The following CHN1 variants were observed in gnomAD, a reference collection of about 807,000 sequenced individuals.
CHN1 encodes the protein N-chimaerin.
Under a neutral mutation model 59.5 loss-of-function variants are expected in CHN1, and 37 were observed. That is an observed-to-expected ratio of 0.62 (90% CI 0.48 to 0.82). The LOEUF (loss-of-function observed/expected upper bound fraction) is 0.82, where lower values mean the gene tolerates loss of function less well. CHN1 is among the 40% of genes least tolerant of loss of function. The pLI, the probability that CHN1 is intolerant of heterozygous loss-of-function variation, is 0.00. For missense variants in CHN1, 469 were observed against 571.0 expected (o/e 0.82, Z 1.82); for synonymous variants, 206 against 200.4 (o/e 1.03, Z -0.24).
At chr2:174,832,411 C>T (rs1685910583) in intron 7 of CHN1, among the ~76,000 whole-genome samples, 1 of 151,970 alleles carries the variant, frequency 6.6e-6, no homozygotes, top group Non-Finnish European at 1.5e-5. Context: ...TGACTTAAGA[C>T]CTTTTTTCTC....
intron 1 of CHN1, among the ~76,000 whole-genome samples, chr2:174,966,464 C>A (rs1257361758): frequency 1.3e-5 from 2 of 152,100 alleles, no homozygotes; most frequent in Non-Finnish European, 2.9e-5. Context: ...ACAGCCTGGG[C>A]AAACAAAGCC....
intron 1 of CHN1, among the ~76,000 whole-genome samples, chr2:174,983,360 A>G (rs928489206): frequency 1.3e-5 from 2 of 152,130 alleles, no homozygotes; most frequent in South Asian, 2.1e-4. Flanking sequence ...TAACATCAGT[A>G]GTTTTACTAG....
intron 5 of CHN1, among the ~76,000 whole-genome samples, chr2:174,879,043 A>G (rs1400245898): frequency 6.6e-6 from 1 of 152,260 alleles, no homozygotes; most frequent in Non-Finnish European, 1.5e-5. Context: ...AAGAGCTGCC[A>G]GTGTAATGGT....
chr2:174,826,879 G>A (rs1410421747), intron 7 of CHN1, among the ~76,000 whole-genome samples: 2 of 152,070 alleles, frequency 1.3e-5, no homozygotes, highest in Non-Finnish European at 2.9e-5. Flanking sequence ...TTTATTTACA[G>A]TTCATTCTTG....
chr2:174,847,399 GAA>G, intron 6 of CHN1: 2 of 1,195,226 alleles, frequency 1.7e-6, no homozygotes, highest in South Asian at 3.0e-5. Context: ...GAAATAAAAA[GAA>G]AGAGTCGATG....
chr2:174,935,168 G>A (rs1056837941), intron 3 of CHN1, among the ~76,000 whole-genome samples: 1 of 152,174 alleles, frequency 6.6e-6, no homozygotes, highest in African/African-American at 2.4e-5. Flanking sequence ...CAGAGGAGCT[G>A]CATACATATG....
intron 7 of CHN1, among the ~76,000 whole-genome samples, chr2:174,840,217 G>A (rs1046924214): frequency 8.7e-5 from 11 of 126,024 alleles, no homozygotes; most frequent in Admixed American, 2.2e-4. Flanking sequence ...CTCCCAGGCT[G>A]GAGTGCAGTG....
chr2:174,910,591 G>T (rs1688665618), intron 5 of CHN1, among the ~76,000 whole-genome samples: 1 of 151,960 alleles, frequency 6.6e-6, no homozygotes, highest in South Asian at 2.1e-4. Flanking sequence ...GTTAGTAAAG[G>T]CCTTTTGGCA....
intron 5 of CHN1, among the ~76,000 whole-genome samples, chr2:174,914,074 C>A (rs183226761): frequency 1.5e-3 from 235 of 152,314 alleles, no homozygotes; most frequent in African/African-American, 5.2e-3. Flanking sequence ...ATAGCAGCAG[C>A]ACAAGTTATT....
intron 5 of CHN1, among the ~76,000 whole-genome samples, chr2:174,904,835 AC>A (rs1173702824): frequency 6.6e-6 from 1 of 152,158 alleles, no homozygotes; most frequent in East Asian, 1.9e-4. Context: ...TAATTTTCCA[AC>A]CTGTTGCCAA....
intron 9 of CHN1, among the ~76,000 whole-genome samples, chr2:174,811,811 G>C (rs1403854041): frequency 6.6e-6 from 1 of 152,168 alleles, no homozygotes; most frequent in Non-Finnish European, 1.5e-5. Flanking sequence ...GTCTAATTAA[G>C]TGAAATATGT....
chr2:174,852,081 A>C (rs2105442771), intron 6 of CHN1, among the ~76,000 whole-genome samples: 1 of 152,058 alleles, frequency 6.6e-6, no homozygotes, highest in South Asian at 2.1e-4. Flanking sequence ...GTTTGAGACC[A>C]GCCTGGCCAA....
chr2:174,986,512 T>C lies in CHN1; in HGVS notation c.19+18382A>G, dbSNP rs1030860233. Among the ~76,000 whole-genome samples the C allele has an allele frequency of 2.6e-5, 4 of 152,284 alleles. No individual in the cohort carries two copies. The East Asian group carries it at 5.8e-4, about 22-fold the overall frequency. On this transcript the variant is annotated intron_variant, in intron 1 of 12. Transcript: ENST00000409900. ...AAACACCCCAGAGTCACAATGTCCA[T>C]GATTCTCTTTAGACTTTAGAAATAC...
chr2:174,965,280 A>G (rs1268540805), intron 1 of CHN1, among the ~76,000 whole-genome samples: 1 of 152,108 alleles, frequency 6.6e-6, no homozygotes, highest in Non-Finnish European at 1.5e-5. Context: ...CTGAAAACAA[A>G]AATTATTTCT....
At chr2:174,999,797 C>T (rs1691826221) in intron 1 of CHN1, among the ~76,000 whole-genome samples, 1 of 152,012 alleles carries the variant, frequency 6.6e-6, no homozygotes, top group Non-Finnish European at 1.5e-5. Context: ...GCCTAAAAGG[C>T]CGGGAGAGGG....
intron 7 of CHN1, among the ~76,000 whole-genome samples, chr2:174,840,782 C>T (rs945508459): frequency 3.3e-5 from 5 of 152,034 alleles, no homozygotes; most frequent in South Asian, 4.2e-4. Context: ...ATTTTTCATA[C>T]ATATATTGAA....
chr2:174,956,580 T>C (rs890748671), intron 1 of CHN1, among the ~76,000 whole-genome samples: 2 of 151,750 alleles, frequency 1.3e-5, no homozygotes, highest in Non-Finnish European at 2.9e-5. Flanking sequence ...AGACCAGCCT[T>C]GGCCAACATG....
intron 1 of CHN1, among the ~76,000 whole-genome samples, chr2:174,954,297 G>T (rs1310188505): frequency 1.3e-5 from 2 of 152,064 alleles, no homozygotes; most frequent in Admixed American, 1.3e-4. Context: ...ATCAACTCAA[G>T]ATGGATCAAA....
At chr2:174,808,692 G>C (rs1684981379) in intron 11 of CHN1, among the ~76,000 whole-genome samples, 1 of 152,150 alleles carries the variant, frequency 6.6e-6, no homozygotes, top group Admixed American at 6.5e-5. Flanking sequence ...TGGAAAATGA[G>C]GTTTAGCACA....
Sources: gnomAD v4.1 joint callset for allele counts (sites outside exome capture counted in the v4.1 genomes callset) on GRCh38, gnomAD v4.1.1 for gene constraint, MANE v1.5 for transcripts, NCBI Gene and HGNC (gene_info 2026-07-23, HGNC 2026-07-21) for gene names.